Variants in PRKCE observed in about 807,000 individuals in gnomAD.
PRKCE encodes the protein protein kinase C epsilon.
A neutral mutation model predicts 85.4 loss-of-function variants in PRKCE; 16 were observed. The observed-to-expected ratio is 0.19, with a 90% CI of 0.13 to 0.28. PRKCE has a LOEUF of 0.28. Ranked by LOEUF, PRKCE falls within the 10% of genes least tolerant of loss-of-function variation. The pLI, the probability that PRKCE is intolerant of heterozygous loss-of-function variation, is 1.00. For missense variants in PRKCE, 573 were observed against 975.2 expected (o/e 0.59, Z 5.49); for synonymous variants, 388 against 371.5 (o/e 1.04, Z -0.51).
intron 10 of PRKCE, among the ~76,000 whole-genome samples, chr2:46,053,670 T>C (rs1255191877): frequency 2.0e-5 from 3 of 152,232 alleles, no homozygotes; most frequent in Non-Finnish European, 2.9e-5. Flanking sequence ...TGTTGTGGCA[T>C]GTGTCATAAT....
intron 1 of PRKCE, among the ~76,000 whole-genome samples, chr2:45,719,538 GT>G (rs1263170936): frequency 6.6e-6 from 1 of 152,132 alleles, no homozygotes; most frequent in East Asian, 1.9e-4. Flanking sequence ...TGGGAAATAG[GT>G]ACTGAGTGAC....
chr2:46,093,193 G>A (rs1670346692), intron 11 of PRKCE, among the ~76,000 whole-genome samples: 1 of 152,178 alleles, frequency 6.6e-6, no homozygotes, highest in Non-Finnish European at 1.5e-5. Context: ...AGCTACCATG[G>A]CAGAAATGAT....
chr2:45,739,904 T>C (rs1311832990), intron 1 of PRKCE, among the ~76,000 whole-genome samples: 1 of 152,212 alleles, frequency 6.6e-6, no homozygotes, highest in East Asian at 1.9e-4. Flanking sequence ...TGTTTGACAA[T>C]GGGATTTGCA....
At chr2:45,937,049 C>G (rs1039359220) in intron 2 of PRKCE, among the ~76,000 whole-genome samples, 1 of 152,124 alleles carries the variant, frequency 6.6e-6, no homozygotes, top group Non-Finnish European at 1.5e-5. Context: ...CTTTTGTGGG[C>G]TCCTGGGACA....
chr2:46,150,216 T>C (rs1180897925), intron 12 of PRKCE, among the ~76,000 whole-genome samples: 7 of 152,192 alleles, frequency 4.6e-5, no homozygotes, highest in Non-Finnish European at 8.8e-5. Context: ...AATTTGACTC[T>C]ACATATTTGG....
At chr2:45,785,397 A>G (rs1173537749) in intron 1 of PRKCE, among the ~76,000 whole-genome samples, 8 of 152,134 alleles carry the variant, frequency 5.3e-5, no homozygotes, top group Non-Finnish European at 1.2e-4. Context: ...AGGCTGAGGC[A>G]GGAGAATTGC....
In PRKCE at chr2:46,044,926, T is replaced by A. The variant is rs143114749; in HGVS notation, c.1437+34409T>A. 3.8e-3 allele frequency among the ~76,000 whole-genome samples: 575 copies of A among 152,352 alleles called. 7 individuals carry two copies. The highest frequency in any genetic ancestry group is 0.013 in the African/African-American group (552 of 41,578). ...GTGTGATTCTAGTGTATGTTACATG[T>A]TTGTATCTTCTTATTCTATATACTT... On this transcript the variant is annotated intron_variant, in intron 10 of 14. Coordinates refer to ENST00000306156, the MANE Select transcript of PRKCE (RefSeq NM_005400.3).
At chr2:45,865,639 C>G (rs1404769408) in intron 2 of PRKCE, among the ~76,000 whole-genome samples, 1 of 152,126 alleles carries the variant, frequency 6.6e-6, no homozygotes, top group Non-Finnish European at 1.5e-5. Context: ...GAAGCTCCAT[C>G]AGCATTCAGC....
intron 1 of PRKCE, among the ~76,000 whole-genome samples, chr2:45,803,390 G>A (rs1688016859): frequency 6.6e-6 from 1 of 152,242 alleles, no homozygotes; most frequent in Non-Finnish European, 1.5e-5. Context: ...CTTGAACACA[G>A]TGAAGTCTCT....
intron 1 of PRKCE, among the ~76,000 whole-genome samples, chr2:45,677,340 T>TTTTG (rs1676535459): frequency 6.9e-6 from 1 of 145,298 alleles, no homozygotes; most frequent in Non-Finnish European, 1.5e-5. Flanking sequence ...TGTTTTTTTT[T>TTTTG]TTGTTGTTGT....
At chr2:46,107,605 C>G (rs1671851017) in intron 11 of PRKCE, among the ~76,000 whole-genome samples, 1 of 152,188 alleles carries the variant, frequency 6.6e-6, no homozygotes, top group Non-Finnish European at 1.5e-5. Context: ...ATATGGAAGA[C>G]TGTGCTTAGC....
rs144447902 is a variant in PRKCE, at chr2:46,007,704, C to T, written c.1263+43C>T. ...GTGGAACTGCTGGTTTTGTTCTACT[C>T]CTTAGCATTGTTTCGTCTGTTTGAT... On this transcript the variant is annotated intron_variant, in intron 9 of 14. Transcript: ENST00000306156. 126 of 1,565,606 alleles carry T rather than the reference C, an allele frequency of 8.0e-5. 3 individuals carry two copies. The Middle Eastern group carries it at 1.9e-3, about 24-fold the overall frequency.
At position 45,976,548 on chromosome 2, in the gene PRKCE, C is replaced by T. The variant is rs966862357; in HGVS notation, c.532C>T (p.Arg178Trp). 2 of 1,599,800 alleles carry T rather than the reference C, an allele frequency of 1.3e-6. No homozygotes were observed. Among genetic ancestry groups the T allele is most frequent in the Non-Finnish European group, 1.7e-6 (2 of 1,179,964 alleles). Residue 178 changes from arginine (R) to tryptophan (W), a missense_variant, in exon 3 of 15, where the codon CGG becomes TGG. Arg to Trp is a moderately radical substitution (Grantham distance 101). Transcript: ENST00000306156. ...CCACAAGTTCATGGCCACCTATCTT[C>T]GGCAGCCCACCTACTGCTCCCATTG... Reference protein sequence around the residue: ...NGHKFMATYLRQPTYCSHCRD... With the variant: ...NGHKFMATYLWQPTYCSHCRD...
intron 1 of PRKCE, among the ~76,000 whole-genome samples, chr2:45,784,014 C>A (rs776000261): frequency 6.6e-6 from 1 of 152,260 alleles, no homozygotes; most frequent in Non-Finnish European, 1.5e-5. Context: ...GTCACACACA[C>A]ACTCACCCAC....
At chr2:45,962,965 A>ATTGAAGCAGGTTT (rs1468698331) in intron 2 of PRKCE, among the ~76,000 whole-genome samples, 1 of 152,214 alleles carries the variant, frequency 6.6e-6, no homozygotes, top group Admixed American at 6.5e-5. Flanking sequence ...AAAAAGTTTA[A>ATTGAAGCAGGTTT]TTGAAGCAGG....
intron 14 of PRKCE, among the ~76,000 whole-genome samples, chr2:46,174,299 A>G (rs1679206521): frequency 6.6e-6 from 1 of 152,344 alleles, no homozygotes; most frequent in South Asian, 2.1e-4. Context: ...CATCTGTGCC[A>G]TCGTGCTTAA....
At chr2:46,111,877 A>G (rs1160841614) in intron 11 of PRKCE, among the ~76,000 whole-genome samples, 1 of 151,932 alleles carries the variant, frequency 6.6e-6, no homozygotes, top group African/African-American at 2.4e-5. Context: ...TAACTGAGGA[A>G]CTCCCTGCGT....
chr2:45,997,173 A>T (rs528344496), intron 6 of PRKCE, among the ~76,000 whole-genome samples: 17 of 152,134 alleles, frequency 1.1e-4, no homozygotes, highest in African/African-American at 4.1e-4. Flanking sequence ...CTCATTTCTG[A>T]TATTAATAAT....
At chr2:45,910,902 A>G (rs1249863779) in intron 2 of PRKCE, among the ~76,000 whole-genome samples, 1 of 152,206 alleles carries the variant, frequency 6.6e-6, no homozygotes, top group African/African-American at 2.4e-5. Context: ...AGGCCTGGCA[A>G]GCAGAGCGTG....
Sources: gnomAD v4.1 joint callset for allele counts (sites outside exome capture counted in the v4.1 genomes callset) on GRCh38, gnomAD v4.1.1 for gene constraint, MANE v1.5 for transcripts, NCBI Gene and HGNC (gene_info 2026-07-23, HGNC 2026-07-21) for gene names.